ABITRAM: variants seen among roughly 807,000 people sequenced by gnomAD.
The protein encoded by ABITRAM is protein Abitram.
ABITRAM carries 19 observed loss-of-function variants against 22.9 expected under a neutral mutation model. That is an observed-to-expected ratio of 0.83 (90% CI 0.58 to 1.22). The LOEUF (loss-of-function observed/expected upper bound fraction) is 1.22, where lower values mean the gene tolerates loss of function less well. ABITRAM is among the 50% of genes most tolerant of loss of function. The pLI is 0.00. For missense variants in ABITRAM, 215 were observed against 220.2 expected (o/e 0.98, Z 0.15); for synonymous variants, 70 against 73.9 (o/e 0.95, Z 0.27).
chr9:108,949,596 C>T (rs894852890), intron 3 of ABITRAM, among the ~76,000 whole-genome samples: 14 of 152,188 alleles, frequency 9.2e-5, no homozygotes, highest in African/African-American at 3.4e-4. Flanking sequence ...GTAATCCCAG[C>T]ACTTTGGGAG....
At chr9:108,948,820 A>G (rs1176493203) in intron 3 of ABITRAM, among the ~76,000 whole-genome samples, 3 of 152,226 alleles carry the variant, frequency 2.0e-5, no homozygotes, top group Admixed American at 2.0e-4. Flanking sequence ...AATTACAATA[A>G]GAATAACCAA....
chr9:108,936,286 G>A (rs191909577), intron 2 of ABITRAM, 22 bp from the exon 3 acceptor site: 1 of 1,608,546 alleles, frequency 6.2e-7, no homozygotes, highest in East Asian at 2.2e-5. Flanking sequence ...AATCACACAG[G>A]ATCAACTTTT....
rs1291015818 is a variant in ABITRAM at position 108,950,533 on chromosome 9, A to C, written c.288A>C (p.Glu96Asp). 7.1e-6 allele frequency: 11 copies of C among 1,550,328 alleles called. No homozygotes were observed. In the Admixed American group the frequency reaches 2.2e-4, roughly 30 times the overall value. Reference sequence around the variant, plus strand: ...GAATTATCTATCTAGAAAAGGTAGAAGACGTCATCAAGAGGAAAATGATGC... The same window carrying C: ...GAATTATCTATCTAGAAAAGGTAGACGACGTCATCAAGAGGAAAATGATGC... The change falls in exon 4 of 4, where the codon GAA (glutamate) becomes GAC (aspartate). Residue 96 changes from glutamate to aspartate, a missense_variant. Transcript: ENST00000374624.
intron 3 of ABITRAM, chr9:108,948,163 C>A: frequency 6.2e-7 from 1 of 1,609,040 alleles, no homozygotes. Context: ...AAAGTACTAG[C>A]ATAAAACGGA....
downstream of ABITRAM, among the ~76,000 whole-genome samples, chr9:108,941,575 A>G (rs920270692): frequency 6.6e-6 from 1 of 152,216 alleles, no homozygotes; most frequent in Non-Finnish European, 1.5e-5. Context: ...CCGAAGGACT[A>G]CAGTGAAAAT....
chr9:108,944,009 C>T (rs1316365884), downstream of ABITRAM: 2 of 1,613,430 alleles, frequency 1.2e-6, no homozygotes, highest in Admixed American at 1.7e-5. Flanking sequence ...AAACCCTCTG[C>T]AGCAAAAACC....
intron 1 of ABITRAM, 103 bp downstream of exon 1, chr9:108,934,668 G>C (rs2304781): frequency 0.077 from 85,486 of 1,111,154 alleles, 3,931 homozygotes; most frequent in Admixed American, 0.17. Context: ...CTGGCTCTCC[G>C]TCCCCACGTC....
intron 3 of ABITRAM, among the ~76,000 whole-genome samples, chr9:108,936,836 A>G (rs1002914543): frequency 6.6e-6 from 1 of 151,764 alleles, no homozygotes. Flanking sequence ...AATTAAACAG[A>G]AAAAAAATTC....
downstream of ABITRAM, chr9:108,942,492 CT>C (rs1830270783): frequency 2.2e-6 from 1 of 455,944 alleles, no homozygotes; most frequent in Admixed American, 3.9e-5. Flanking sequence ...TTAAATTGTC[CT>C]TGAGACAGTT....
chr9:108,935,605 T>G, intron 1 of ABITRAM, 33 bp from the exon 2 acceptor site: 1 of 1,583,186 alleles, frequency 6.3e-7, no homozygotes, highest in Non-Finnish European at 8.7e-7. Context: ...AAATATTGAT[T>G]TCAGCCACCA....
chr9:108,948,062 G>GTAA lies in ABITRAM; in HGVS notation c.262-2442_262-2440dup, dbSNP rs1177132161. 1.9e-4 allele frequency: 214 copies of GTAA among 1,129,662 alleles called. 1 individual carries two copies. The South Asian group carries it at 3.0e-3, about 16-fold the overall frequency. The allele number at this position is 1,129,662 out of a possible 1,614,324, so 70.0% of individuals were successfully genotyped here. On this transcript the variant is annotated intron_variant, in intron 3 of 3. Transcript: ENST00000374624. ...CCTTTCTACTTTTCTACTGCTCTCT[G>GTAA]TAATACACAGGTAGGTACAGATGTA...
chr9:108,936,560 C>G (rs1244911871), intron 3 of ABITRAM, 123 bp downstream of exon 3: 1 of 1,088,058 alleles, frequency 9.2e-7, no homozygotes, highest in African/African-American at 1.6e-5. Context: ...GTTTGAGGTG[C>G]TAATTTTAGG....
chr9:108,935,775 C>A, intron 2 of ABITRAM, 86 bp downstream of exon 2: 4 of 808,448 alleles, frequency 4.9e-6, no homozygotes, highest in South Asian at 1.5e-5. Flanking sequence ...TTGGATTGAA[C>A]AAATGTTCAC....
In ABITRAM at chr9:108,937,996, CAAAAAAA is replaced by C. The variant is rs56229176; in HGVS notation, c.262-1186_262-1180del. On this transcript the variant is annotated intron_variant, in intron 3 of 5. Transcript: ENST00000322940. ...TGGATGACAGAACAAGACCCTGTCT[CAAAAAAA>C]AAAAAAAAAAAAAGTAACACTCCTG... is the stretch of plus-strand genomic sequence containing the variant. Among the ~76,000 whole-genome samples the C allele has an allele frequency of 2.3e-4, 16 of 69,598 alleles. No individual in the cohort carries two copies. The East Asian group carries it at 5.4e-3, about 23-fold the overall frequency. The allele number at this position is 69,598 out of a possible 152,430, so 45.7% of individuals were successfully genotyped here.
In ABITRAM at chr9:108,936,349, A is replaced by G; in HGVS notation, c.173A>G (p.Gln58Arg). 6.2e-7 allele frequency: 1 copy of G among 1,614,024 alleles called. No individual in the cohort carries two copies. The highest frequency in any genetic ancestry group is 8.5e-7 in the Non-Finnish European group (1 of 1,179,968). ...TTGGCAGAATCTCATCCAGTTCTTC[A>G]AAGTGGAAAAACAATTAAAAGCATT... is the stretch of plus-strand genomic sequence containing the variant. ...ITLAESHPVL[Q>R]SGKTIKSISY... The change falls in exon 3 of 6, where the codon CAA becomes CGA. Residue 58 changes from glutamine to arginine, a missense_variant. Physicochemically the swap from Gln to Arg is conservative, Grantham distance 43. Coordinates refer to ENST00000322940, the MANE Select transcript of ABITRAM (RefSeq NM_017832.4).
At chr9:108,945,648 G>T (rs57784742), downstream of ABITRAM, among the ~76,000 whole-genome samples, 16,695 of 141,794 alleles carry the variant, frequency 0.12, 1,089 homozygotes, top group African/African-American at 0.19. Flanking sequence ...TTTTTGTTTT[G>T]TTTTTTTGTA....
chr9:108,936,512 A>G (rs1436113331), intron 3 of ABITRAM, 75 bp downstream of exon 3: 1 of 1,485,750 alleles, frequency 6.7e-7, no homozygotes, highest in Non-Finnish European at 9.2e-7. Flanking sequence ...AATGAACCTT[A>G]GAATCCAGTA....
rs1407015255 is a variant in ABITRAM, at chr9:108,949,961, T to C, written c.262-546T>C. Among the ~76,000 whole-genome samples, 3 of 150,548 alleles carry C rather than the reference T, an allele frequency of 2.0e-5. No homozygotes were observed. The East Asian group carries it at 5.8e-4, about 29-fold the overall frequency. On this transcript the variant is annotated intron_variant, in intron 3 of 3. Transcript: ENST00000374624. ...ATTGCTTGAACTCAGGAGGCGGAGG[T>C]TGCAGTGAGCCGAGATCATGCCACT...
chr9:108,950,680 G>C, exon 4 of ABITRAM: 2 of 1,475,650 alleles, frequency 1.4e-6, no homozygotes, highest in Non-Finnish European at 9.0e-7. Flanking sequence ...ATAAAAGGAG[G>C]TGGATGCTCA....
Sources: allele counts gnomAD v4.1 joint callset (sites outside exome capture counted in the v4.1 genomes callset), GRCh38; gene constraint gnomAD v4.1.1; transcripts MANE v1.5; gene names NCBI Gene and HGNC (gene_info 2026-07-23, HGNC 2026-07-21).